HNF1B: variants seen among roughly 807,000 people sequenced by gnomAD.
HNF1B encodes HNF1 homeobox B, also known as hepatocyte nuclear factor 1-beta.
Under a neutral mutation model 61.7 loss-of-function variants are expected in HNF1B, and 8 were observed. The observed-to-expected ratio is 0.13, with a 90% CI of 0.08 to 0.23. The LOEUF (loss-of-function observed/expected upper bound fraction) is 0.23. HNF1B is among the 10% of genes least tolerant of loss of function. The probability of loss-of-function intolerance (pLI) is 1.00; values close to 1 mark genes in which losing one functional copy is unlikely to be tolerated. For synonymous variants in HNF1B, 314 were observed against 287.7 expected (o/e 1.09, Z -0.93); for missense variants, 562 against 714.5 (o/e 0.79, Z 2.43).
chr17:37,734,874 C>T (rs778917004), intron 2 of HNF1B, among the ~76,000 whole-genome samples: 10 of 148,708 alleles, frequency 6.7e-5, no homozygotes, highest in Admixed American at 2.0e-4. Context: ...CTACAATCTC[C>T]GCCTCCCGGG....
intron 4 of HNF1B, among the ~76,000 whole-genome samples, chr17:37,718,013 CATAAGAGGAGAA>C (rs2147498235): frequency 6.6e-6 from 1 of 152,130 alleles, no homozygotes; most frequent in East Asian, 1.9e-4. Flanking sequence ...GAGCTCAATT[CATAAGAGGAGAA>C]ATACAGACAG....
chr17:37,727,975 A>G (rs1352991353), intron 4 of HNF1B, among the ~76,000 whole-genome samples: 11 of 151,072 alleles, frequency 7.3e-5, no homozygotes, highest in African/African-American at 2.7e-4. Context: ...GGCTCTCCTC[A>G]GCAACATGGA....
At chr17:37,718,236 G>A (rs1033981436) in intron 4 of HNF1B, among the ~76,000 whole-genome samples, 2 of 152,178 alleles carry the variant, frequency 1.3e-5, no homozygotes, top group Non-Finnish European at 2.9e-5. Context: ...AATTGCACAT[G>A]TGGGGAGGTA....
At chr17:37,702,412 G>A (rs1323059602) in intron 6 of HNF1B, among the ~76,000 whole-genome samples, 2 of 152,158 alleles carry the variant, frequency 1.3e-5, no homozygotes, top group Admixed American at 6.5e-5. Flanking sequence ...TCTCCTGGGT[G>A]GGGGCTGGGG....
intron 2 of HNF1B, among the ~76,000 whole-genome samples, chr17:37,736,509 G>A (rs992376427): frequency 3.3e-5 from 5 of 152,160 alleles, no homozygotes; most frequent in African/African-American, 1.2e-4. Flanking sequence ...GTGGACTTGG[G>A]GCAGGAGCCT....
intron 4 of HNF1B, among the ~76,000 whole-genome samples, chr17:37,717,143 G>T (rs930316731): frequency 3.3e-5 from 5 of 152,112 alleles, no homozygotes; most frequent in African/African-American, 9.7e-5. Flanking sequence ...GCTTGCCCAC[G>T]ATGTGGCTTT....
At chr17:37,694,826 C>T (rs1353511432) in intron 8 of HNF1B, among the ~76,000 whole-genome samples, 2 of 152,244 alleles carry the variant, frequency 1.3e-5, no homozygotes, top group East Asian at 3.9e-4. Flanking sequence ...CATGATGTGG[C>T]CTGGCTGCTT....
In HNF1B at chr17:37,703,909, G is replaced by A. The variant is rs77532371; in HGVS notation, c.1339+1008C>T. Reference sequence around the variant, plus strand: ...CTAAAGCTGATTTAGGGAGAGAAGAGGGAAGAAAGAAAAAGGCAGAAACAA... The same window carrying A: ...CTAAAGCTGATTTAGGGAGAGAAGAAGGAAGAAAGAAAAAGGCAGAAACAA... On this transcript the variant is annotated intron_variant, in intron 6 of 8. Transcript: ENST00000617811. 2.0e-3 allele frequency among the ~76,000 whole-genome samples: 303 copies of A among 152,252 alleles called. 7 individuals carry two copies. In the East Asian group the frequency reaches 0.055, roughly 28 times the overall value.
chr17:37,715,157 A>T (rs1338794389), intron 4 of HNF1B, among the ~76,000 whole-genome samples: 1 of 152,044 alleles, frequency 6.6e-6, no homozygotes, highest in African/African-American at 2.4e-5. Context: ...TGTATTTTAC[A>T]TGCACTAGAC....
In HNF1B at chr17:37,705,030, C is replaced by A. The variant is rs747412954; in HGVS notation, c.1226G>T (p.Gly409Val). 6 of 1,613,814 alleles carry A rather than the reference C, an allele frequency of 3.7e-6. No individual in the cohort carries two copies. Among genetic ancestry groups the A allele is most frequent in the Non-Finnish European group, 4.2e-6 (5 of 1,179,940 alleles). The change falls in exon 6 of 9, where the codon GGT becomes GTT. Residue 409 changes from glycine to valine, a missense_variant. This residue lies in a region of HNF1B where 211 missense variants were observed against 200.7 expected (regional missense o/e 1.05). Transcript: ENST00000617811. ...CGTCAAGGTGCTGACTGGGGGCAAA[C>A]CTCCTCCTGAGACTGAGATCTGATG... ...DGKMISVSGG[G>V]LPPVSTLTNI...
At chr17:37,698,004 C>G (rs961237529) in intron 8 of HNF1B, among the ~76,000 whole-genome samples, 1 of 151,798 alleles carries the variant, frequency 6.6e-6, no homozygotes, top group Admixed American at 6.6e-5. Flanking sequence ...GAATAGAACC[C>G]ACCTGCTCCA....
intron 7 of HNF1B, among the ~76,000 whole-genome samples, chr17:37,700,762 T>G (rs1172374074): frequency 6.6e-6 from 1 of 152,176 alleles, no homozygotes; most frequent in Non-Finnish European, 1.5e-5. Flanking sequence ...ACTGTCCTCT[T>G]CAAACCCTTC....
chr17:37,708,922 G>A (rs759904846), intron 5 of HNF1B, among the ~76,000 whole-genome samples: 12 of 152,108 alleles, frequency 7.9e-5, no homozygotes, highest in South Asian at 2.1e-4. Flanking sequence ...CCAGGGACTC[G>A]ATCACCTGTG....
rs1282407441 is a variant in HNF1B at position 37,744,989 on chromosome 17, C to T, written c.-105G>A. 8 of 970,722 alleles carry T rather than the reference C, an allele frequency of 8.2e-6. No homozygotes were observed. In the East Asian group the frequency reaches 1.0e-4, roughly 13 times the overall value. The allele number at this position is 970,722 out of a possible 1,614,324, so 60.1% of individuals were successfully genotyped here. A position where few individuals can be genotyped will look rare whatever the true frequency, so the allele number is the denominator to read the frequency against. Reference sequence around the variant, plus strand: ...ACCCCAAATCCAGGAACCCCTCCACCCTTCAGCCTCCAGACACCTGTTACT... The same window carrying T: ...ACCCCAAATCCAGGAACCCCTCCACTCTTCAGCCTCCAGACACCTGTTACT... On this transcript the variant is annotated 5_prime_UTR_variant, in exon 1 of 9. Transcript: ENST00000617811.
chr17:37,701,686 C>T (rs1260467377), intron 6 of HNF1B, among the ~76,000 whole-genome samples: 1 of 152,120 alleles, frequency 6.6e-6, no homozygotes, highest in Non-Finnish European at 1.5e-5. Flanking sequence ...GGTTGGGAGA[C>T]CCTTATTTAG....
At chr17:37,743,463 T>A (rs1302483813) in intron 1 of HNF1B, among the ~76,000 whole-genome samples, 5 of 152,242 alleles carry the variant, frequency 3.3e-5, no homozygotes, top group Admixed American at 6.5e-5. Flanking sequence ...CTGATTGTTT[T>A]GGCTAGAGGG....
At chr17:37,721,089 G>T in intron 4 of HNF1B, 1 of 292,018 alleles carries the variant, frequency 3.4e-6, no homozygotes, top group Non-Finnish European at 5.1e-6. Flanking sequence ...TGCCAAGCAG[G>T]AAGAGGCACC....
intron 4 of HNF1B, among the ~76,000 whole-genome samples, chr17:37,716,936 A>G (rs1435272497): frequency 6.7e-6 from 1 of 150,180 alleles, no homozygotes; most frequent in African/African-American, 2.5e-5. Context: ...GAGCCTTGGC[A>G]TTTTTGTCTG....
At chr17:37,726,515 C>T (rs371314628) in intron 4 of HNF1B, among the ~76,000 whole-genome samples, 4 of 152,176 alleles carry the variant, frequency 2.6e-5, no homozygotes, top group African/African-American at 7.2e-5. Context: ...GAGATTTCCT[C>T]GTGTCCTGCA....
Sources: allele counts gnomAD v4.1 joint callset (sites outside exome capture counted in the v4.1 genomes callset), GRCh38; gene constraint gnomAD v4.1.1; regional missense constraint gnomAD v4.1.1; transcripts MANE v1.5; gene names NCBI Gene and HGNC (gene_info 2026-07-23, HGNC 2026-07-21).